The following ASCC3 variants were observed in gnomAD, a reference collection of about 807,000 sequenced individuals.
ASCC3 encodes the protein activating signal cointegrator 1 complex subunit 3, also known as ASC-1 complex subunit P200.
A neutral mutation model predicts 256.3 loss-of-function variants in ASCC3; 158 were observed. The ratio of observed to expected loss-of-function variants is 0.62; its 90% CI spans 0.54 to 0.70. The LOEUF (loss-of-function observed/expected upper bound fraction) is 0.70, where lower values mean the gene tolerates loss of function less well. ASCC3 is among the 30% of genes least tolerant of loss of function. The pLI, the probability that ASCC3 is intolerant of heterozygous loss-of-function variation, is 0.00. For synonymous variants in ASCC3, 948 were observed against 883.4 expected (o/e 1.07, Z -1.30); for missense variants, 2,259 against 2,626.0 (o/e 0.86, Z 3.05).
In ASCC3 at chr6:100,629,196, A is replaced by C. The variant is rs1345314046; in HGVS notation, c.4209-15T>G. 2 of 1,611,288 alleles carry C rather than the reference A, an allele frequency of 1.2e-6. No individual in the cohort carries two copies. Among genetic ancestry groups the C allele is most frequent in the Non-Finnish European group, 1.7e-6 (2 of 1,178,114 alleles). ...GTTCAATAACTCTGGAGGGAAATAT[A>C]ACAATGATCCCAGAAACTTTTCAGG... On this transcript the variant is annotated splice_polypyrimidine_tract_variant and intron_variant, in intron 26 of 41. Transcript: ENST00000369162.
At chr6:100,677,391 G>C (rs1480717069) in intron 14 of ASCC3, among the ~76,000 whole-genome samples, 1 of 151,654 alleles carries the variant, frequency 6.6e-6, no homozygotes, top group African/African-American at 2.4e-5. Flanking sequence ...GACTGGATTT[G>C]ATCTGTTTGC....
chr6:100,571,344 T>C (rs1770581850), intron 36 of ASCC3, among the ~76,000 whole-genome samples: 1 of 152,192 alleles, frequency 6.6e-6, no homozygotes, highest in East Asian at 1.9e-4. Flanking sequence ...CATCATAAAC[T>C]ATCCTATTAA....
chr6:100,860,381 G>A (rs1233769539), intron 3 of ASCC3, among the ~76,000 whole-genome samples: 1 of 151,776 alleles, frequency 6.6e-6, no homozygotes, highest in African/African-American at 2.4e-5. Flanking sequence ...CTTAAGGGAA[G>A]AATCAAATTG....
At chr6:100,681,480 G>A (rs559279105) in intron 13 of ASCC3, among the ~76,000 whole-genome samples, 2 of 152,164 alleles carry the variant, frequency 1.3e-5, no homozygotes, top group South Asian at 2.1e-4. Context: ...TGTAATCCCA[G>A]CACTTTGGGA....
At chr6:100,698,459 AG>A (rs1034863808) in intron 13 of ASCC3, among the ~76,000 whole-genome samples, 9 of 152,156 alleles carry the variant, frequency 5.9e-5, no homozygotes, top group African/African-American at 2.2e-4. Flanking sequence ...AATTTTTAAA[AG>A]GGCTCCAAAT....
chr6:100,857,584 C>A (rs944182450), intron 3 of ASCC3: 1 of 151,648 alleles, frequency 6.6e-6, no homozygotes, highest in African/African-American at 2.4e-5. Flanking sequence ...ATGCAGTTGA[C>A]CCAGCACCAT....
chr6:100,725,523 C>T lies in ASCC3; in HGVS notation c.1902+16G>A. 1.2e-6 allele frequency: 2 copies of T among 1,611,046 alleles called. No individual in the cohort carries two copies. Among genetic ancestry groups the T allele is most frequent in the Non-Finnish European group, 1.7e-6 (2 of 1,177,946 alleles). ...TTTATCCCTTCAAAATAAGCTTATA[C>T]ATAACTTCCTCTTACCTGCCGTAAA... is the stretch of plus-strand genomic sequence containing the variant. On this transcript the variant is annotated intron_variant, in intron 11 of 41. Transcript: ENST00000369162.
chr6:100,518,101 A>G lies in ASCC3; in HGVS notation c.5817T>C (p.Thr1939=), dbSNP rs1453220367. ...GAATCAGGTTGGTGATATTCAGGAC[A>G]GTCACCAGCCAGCCCTGGTTTGCAG... The part of the protein sequence containing the change: ...DVAANQGWLV[T]VLNITNLIQM... Residue 1939 remains threonine (T), a synonymous_variant, in exon 38 of 42, where the codon ACT becomes ACC. Coordinates refer to ENST00000369162, the MANE Select transcript of ASCC3 (RefSeq NM_006828.4). 6.2e-7 allele frequency: 1 copy of G among 1,613,698 alleles called. No individual in the cohort carries two copies. Among genetic ancestry groups the G allele is most frequent in the South Asian group, 1.1e-5 (1 of 91,074 alleles).
chr6:100,807,904 G>C (rs186354768), intron 4 of ASCC3, among the ~76,000 whole-genome samples: 1 of 151,858 alleles, frequency 6.6e-6, no homozygotes, highest in Admixed American at 6.6e-5. Flanking sequence ...TAGTGAAGAG[G>C]CTTTCTATGT....
chr6:100,773,400 C>A (rs1782034074), intron 8 of ASCC3, among the ~76,000 whole-genome samples: 1 of 152,158 alleles, frequency 6.6e-6, no homozygotes, highest in Admixed American at 6.6e-5. Flanking sequence ...ATGTCACATT[C>A]CAGCTTACAA....
At chr6:100,660,752 C>G (rs1295181554) in intron 16 of ASCC3, among the ~76,000 whole-genome samples, 1 of 151,654 alleles carries the variant, frequency 6.6e-6, no homozygotes, top group Non-Finnish European at 1.5e-5. Context: ...GATACTCTCA[C>G]TGGATCAAAT....
At chr6:100,840,235 C>T (rs1772071999) in intron 4 of ASCC3, among the ~76,000 whole-genome samples, 1 of 152,054 alleles carries the variant, frequency 6.6e-6, no homozygotes, top group African/African-American at 2.4e-5. Context: ...AACTCTCCAC[C>T]CAAAACCAGT....
intron 34 of ASCC3, among the ~76,000 whole-genome samples, chr6:100,595,154 C>A (rs1031218292): frequency 6.6e-6 from 1 of 151,936 alleles, no homozygotes; most frequent in African/African-American, 2.4e-5. Flanking sequence ...TGGTAACTAT[C>A]GTTAATAATA....
intron 37 of ASCC3, among the ~76,000 whole-genome samples, chr6:100,535,699 C>A (rs1009580278): frequency 6.6e-6 from 1 of 151,906 alleles, no homozygotes; most frequent in African/African-American, 2.4e-5. Flanking sequence ...GAACTCCTGA[C>A]CTTGTGATCC....
At chr6:100,682,829 T>C (rs972268586) in intron 13 of ASCC3, among the ~76,000 whole-genome samples, 1 of 152,166 alleles carries the variant, frequency 6.6e-6, no homozygotes, top group South Asian at 2.1e-4. Context: ...AAGGAGTACA[T>C]TCTCTTCTAA....
chr6:100,848,808 C>T, intron 3 of ASCC3, 101 bp from the exon 4 acceptor site: 1 of 1,162,354 alleles, frequency 8.6e-7, no homozygotes, highest in South Asian at 1.3e-5. Context: ...GTAAATCTAA[C>T]AGTCAAATCA....
At chr6:100,547,621 TA>T (rs1385640944) in intron 36 of ASCC3, among the ~76,000 whole-genome samples, 1 of 151,958 alleles carries the variant, frequency 6.6e-6, no homozygotes, top group African/African-American at 2.4e-5. Context: ...TGGCCAAAAT[TA>T]AAATAACTGT....
At chr6:100,628,091 CAAAA>C (rs80131727) in intron 27 of ASCC3, 104 bp from the exon 28 acceptor site, 1 of 843,710 alleles carries the variant, frequency 1.2e-6, no homozygotes. Context: ...AAAACAAAAA[CAAAA>C]AAAAAAACAA....
chr6:100,619,391 A>AT (rs544015037), intron 30 of ASCC3, among the ~76,000 whole-genome samples: 38 of 152,268 alleles, frequency 2.5e-4, no homozygotes, highest in African/African-American at 7.7e-4. Flanking sequence ...AAATTGGGCT[A>AT]TTTTTTTATA....
Sources: gnomAD v4.1 joint callset for allele counts (sites outside exome capture counted in the v4.1 genomes callset) on GRCh38, gnomAD v4.1.1 for gene constraint, MANE v1.5 for transcripts, NCBI Gene and HGNC (gene_info 2026-07-23, HGNC 2026-07-21) for gene names.